Variants in ZNF385B observed in about 807,000 individuals in gnomAD.
ZNF385B encodes zinc finger protein 533.
Under a neutral mutation model 39.2 loss-of-function variants are expected in ZNF385B, and 23 were observed. The ratio of observed to expected loss-of-function variants is 0.59; its 90% CI spans 0.42 to 0.83. The LOEUF is 0.83. Ranked by LOEUF, ZNF385B falls within the 40% of genes least tolerant of loss-of-function variation. The pLI is 0.00. For synonymous variants in ZNF385B, 205 were observed against 222.6 expected, an observed-to-expected ratio of 0.92 and a Z score of 0.70; for missense variants, 552 against 598.9, an observed-to-expected ratio of 0.92 and a Z score of 0.82.
chr2:179,623,511 G>A (rs1690398460), intron 3 of ZNF385B, among the ~76,000 whole-genome samples: 1 of 152,110 alleles, frequency 6.6e-6, no homozygotes, highest in Admixed American at 6.6e-5. Flanking sequence ...CTGAACTAGT[G>A]ATATCAAGAG....
chr2:179,696,025 T>C (rs552627946), intron 3 of ZNF385B, among the ~76,000 whole-genome samples: 3 of 152,220 alleles, frequency 2.0e-5, no homozygotes, highest in Non-Finnish European at 4.4e-5. Flanking sequence ...GACCAGACAC[T>C]GTATTAATCC....
Position 179,555,356 on chromosome 2 carries a change from A to T in ZNF385B, c.299-10387T>A, listed in dbSNP as rs139778702. ...TGAGGTGGAGGGTGAGAGGACTAAAACAGGGCATTCAGAGTGTCTTCTAGG... is the reference window on the plus strand; with the variant it reads ...TGAGGTGGAGGGTGAGAGGACTAAATCAGGGCATTCAGAGTGTCTTCTAGG... On this transcript the variant is annotated intron_variant, in intron 3 of 9. Transcript: ENST00000410066. 2.5e-3 allele frequency among the ~76,000 whole-genome samples: 380 copies of T among 149,406 alleles called. 36 individuals are homozygous for T. The highest frequency in any genetic ancestry group is 8.3e-3 in the African/African-American group (328 of 39,658).
intron 3 of ZNF385B, among the ~76,000 whole-genome samples, chr2:179,614,683 C>T (rs1220449590): frequency 6.6e-6 from 1 of 152,130 alleles, no homozygotes; most frequent in Non-Finnish European, 1.5e-5. Context: ...TTCATGAATG[C>T]TTCTGCTGGA....
At chr2:179,647,254 C>T (rs1481277690) in intron 3 of ZNF385B, among the ~76,000 whole-genome samples, 1 of 151,564 alleles carries the variant, frequency 6.6e-6, no homozygotes, top group East Asian at 1.9e-4. Flanking sequence ...ATTCCCTGAG[C>T]CCTGAAGTTC....
At chr2:179,575,792 GT>G (rs1007375805) in intron 3 of ZNF385B, among the ~76,000 whole-genome samples, 3 of 150,160 alleles carry the variant, frequency 2.0e-5, no homozygotes, top group Non-Finnish European at 4.5e-5. Context: ...AAAGACTTTT[GT>G]TTTTTTTTAA....
intron 3 of ZNF385B, among the ~76,000 whole-genome samples, chr2:179,694,987 GAGA>G (rs1373368202): frequency 1.6e-4 from 23 of 139,618 alleles, no homozygotes; most frequent in African/African-American, 5.2e-4. Flanking sequence ...GGAGGAGGAG[GAGA>G]AGAAAAAGAA....
chr2:179,671,942 T>G (rs1696062233), intron 3 of ZNF385B, among the ~76,000 whole-genome samples: 1 of 152,230 alleles, frequency 6.6e-6, no homozygotes, highest in Non-Finnish European at 1.5e-5. Flanking sequence ...AAATGGCTGC[T>G]CCTGATACCC....
intron 5 of ZNF385B, among the ~76,000 whole-genome samples, chr2:179,509,240 TC>T (rs1316103696): frequency 1.3e-5 from 2 of 152,210 alleles, no homozygotes; most frequent in African/African-American, 4.8e-5. Context: ...TTCTTTTTTT[TC>T]ATTGATAAGT....
chr2:179,567,078 G>C (rs1004726825), intron 3 of ZNF385B, among the ~76,000 whole-genome samples: 1 of 151,916 alleles, frequency 6.6e-6, no homozygotes, highest in Admixed American at 6.6e-5. Flanking sequence ...ACCACACCTG[G>C]CTAATTTTGT....
intron 3 of ZNF385B, among the ~76,000 whole-genome samples, chr2:179,594,049 A>G (rs1687793977): frequency 6.6e-6 from 1 of 152,228 alleles, no homozygotes; most frequent in Non-Finnish European, 1.5e-5. Flanking sequence ...AAAAGTAGGC[A>G]AAAAGAAACA....
At chr2:179,488,021 C>G (rs1239189458) in intron 5 of ZNF385B, among the ~76,000 whole-genome samples, 1 of 152,162 alleles carries the variant, frequency 6.6e-6, no homozygotes, top group Admixed American at 6.5e-5. Flanking sequence ...TCTTAGAACC[C>G]CATTGTTGCA....
intron 3 of ZNF385B, among the ~76,000 whole-genome samples, chr2:179,740,726 A>G (rs924686659): frequency 1.6e-4 from 25 of 152,168 alleles, no homozygotes; most frequent in African/African-American, 5.8e-4. Flanking sequence ...AAGGGATCAG[A>G]ATCTTTTCCT....
intron 1 of ZNF385B, among the ~76,000 whole-genome samples, chr2:179,845,230 C>G (rs948202651): frequency 2.0e-5 from 3 of 152,156 alleles, no homozygotes; most frequent in African/African-American, 7.2e-5. Context: ...AAATATTCAG[C>G]CTTTTCCCAG....
intron 3 of ZNF385B, among the ~76,000 whole-genome samples, chr2:179,595,084 T>C (rs1353759404): frequency 6.6e-6 from 1 of 152,190 alleles, no homozygotes; most frequent in East Asian, 1.9e-4. Flanking sequence ...CTTTTATCTT[T>C]ACTTACTTTA....
At chr2:179,556,680 C>A (rs1187551262) in intron 3 of ZNF385B, among the ~76,000 whole-genome samples, 1 of 149,300 alleles carries the variant, frequency 6.7e-6, no homozygotes, top group Non-Finnish European at 1.5e-5. Flanking sequence ...TCCTGAGCTA[C>A]ATTTGCCTGG....
chr2:179,828,089 A>G (rs1707779429), intron 1 of ZNF385B, among the ~76,000 whole-genome samples: 2 of 152,028 alleles, frequency 1.3e-5, no homozygotes, highest in Admixed American at 1.3e-4. Flanking sequence ...TAAATATATC[A>G]TTTATTTATC....
chr2:179,762,303 C>T (rs1000894908), intron 3 of ZNF385B, among the ~76,000 whole-genome samples: 6 of 152,038 alleles, frequency 3.9e-5, no homozygotes, highest in African/African-American at 1.5e-4. Context: ...GATTCTCCTG[C>T]CTCAGCCTCC....
chr2:179,849,602 G>A (rs557322706), intron 1 of ZNF385B, among the ~76,000 whole-genome samples: 1 of 152,134 alleles, frequency 6.6e-6, no homozygotes, highest in East Asian at 1.9e-4. Flanking sequence ...AGAATATTCC[G>A]GTATTTTTCC....
At chr2:179,644,530 C>A (rs1219471504) in intron 3 of ZNF385B, among the ~76,000 whole-genome samples, 1 of 152,170 alleles carries the variant, frequency 6.6e-6, no homozygotes, top group Non-Finnish European at 1.5e-5. Context: ...AGCCACAAAT[C>A]TTTTAAAACT....
Sources: gnomAD v4.1 joint callset for allele counts (sites outside exome capture counted in the v4.1 genomes callset) on GRCh38, gnomAD v4.1.1 for gene constraint, MANE v1.5 for transcripts, NCBI Gene and HGNC (gene_info 2026-07-23, HGNC 2026-07-21) for gene names.